FAM151A: variants seen among roughly 807,000 people sequenced by gnomAD.
FAM151A encodes the protein family with sequence similarity 151 member A, also known as protein FAM151A.
In FAM151A, 41 loss-of-function variants were observed where a neutral mutation model predicts 40.4. The ratio of observed to expected loss-of-function variants is 1.01; its 90% CI spans 0.79 to 1.32. The LOEUF (loss-of-function observed/expected upper bound fraction) is 1.32, where lower values mean the gene tolerates loss of function less well. FAM151A is among the 40% of genes most tolerant of loss of function. The pLI is 0.00. For missense variants in FAM151A, 740 were observed against 740.4 expected (o/e 1.00, Z 0.01); for synonymous variants, 337 against 312.5 (o/e 1.08, Z -0.83).
At chr1:54,614,891 T>TGGC in intron 3 of FAM151A, 32 bp from the exon 4 acceptor site, 1 of 1,606,346 alleles carries the variant, frequency 6.2e-7, no homozygotes, top group Non-Finnish European at 8.5e-7. Flanking sequence ...CTTGGGGAAA[T>TGGC]GGCGAAGGAA....
chr1:54,613,645 TTTC>T (rs1416459745), intron 4 of FAM151A, among the ~76,000 whole-genome samples: 2 of 152,192 alleles, frequency 1.3e-5, no homozygotes, highest in African/African-American at 4.8e-5. Flanking sequence ...TCTTTGTACT[TTTC>T]TTCTTCAAAA....
intron 1 of FAM151A, 62 bp from the exon 2 acceptor site, chr1:54,620,069 G>T: frequency 1.3e-6 from 2 of 1,566,552 alleles, no homozygotes; most frequent in Non-Finnish European, 1.7e-6. Context: ...ACTCATGTTC[G>T]TTCATCCCAT....
chr1:54,621,092 A>C (rs905969612), intron 1 of FAM151A, among the ~76,000 whole-genome samples: 21 of 151,358 alleles, frequency 1.4e-4, no homozygotes, highest in Non-Finnish European at 2.4e-4. Flanking sequence ...CCTGGGAGAC[A>C]GAGGTTGCAG....
At chr1:54,619,737 C>G in intron 2 of FAM151A, 127 bp downstream of exon 2, 1 of 973,828 alleles carries the variant, frequency 1.0e-6, no homozygotes, top group South Asian at 1.6e-5. Context: ...CCCCTATTTC[C>G]TCATGCTGAA....
intron 4 of FAM151A, among the ~76,000 whole-genome samples, chr1:54,613,907 G>A (rs1644144284): frequency 1.3e-5 from 2 of 152,144 alleles, no homozygotes; most frequent in Admixed American, 6.5e-5. Context: ...TTGAATCTTT[G>A]CTCTGCCACT....
intron 1 of FAM151A, among the ~76,000 whole-genome samples, chr1:54,622,066 G>A (rs887470574): frequency 5.9e-5 from 9 of 151,900 alleles, no homozygotes; most frequent in Non-Finnish European, 1.2e-4. Flanking sequence ...CTGAGGTCAG[G>A]AGTTCAAGAC....
chr1:54,609,825 G>A lies in FAM151A; in HGVS notation c.1201C>T (p.Gln401Ter), dbSNP rs1644094158. 1 of 1,614,070 alleles carries A rather than the reference G, an allele frequency of 6.2e-7. No individual in the cohort carries two copies. The highest frequency in any genetic ancestry group is 1.3e-5 in the African/African-American group (1 of 74,956). Reference sequence around the variant, plus strand: ...CAGTGTCCGGGATGTGTGGCCAGCTGCTGCAGGCAGGACTCCAGCGTCAGG... The same window carrying A: ...CAGTGTCCGGGATGTGTGGCCAGCTACTGCAGGCAGGACTCCAGCGTCAGG... ...NILTLESCLQ[Q>*]LATHPGHWGI... is the part of the protein sequence containing the mutation. The change falls in exon 8 of 8, where the codon CAG becomes TAG. Residue 401 changes from glutamine to a stop codon, truncating the protein, a stop_gained. Transcript: ENST00000302250. LOFTEE classifies it low-confidence loss of function (END_TRUNC).
chr1:54,621,975 T>TA (rs571379101), intron 1 of FAM151A, among the ~76,000 whole-genome samples: 95 of 152,084 alleles, frequency 6.2e-4, no homozygotes, highest in Admixed American at 4.2e-3. Context: ...AGTGAAGTAG[T>TA]AAAAAAAGTT....
chr1:54,620,075 C>A, intron 1 of FAM151A, 68 bp from the exon 2 acceptor site: 2 of 1,542,784 alleles, frequency 1.3e-6, no homozygotes, highest in Non-Finnish European at 1.8e-6. Flanking sequence ...GTTCGTTCAT[C>A]CCATGACCCT....
Position 54,611,688 on chromosome 1 carries a change from GAGC to G in FAM151A, c.855_857del (p.Leu286del). 6.2e-7 allele frequency: 1 copy of G among 1,614,140 alleles called. No homozygotes were observed. Among genetic ancestry groups the G allele is most frequent in the South Asian group, 1.1e-5 (1 of 91,082 alleles). ...GGACAGCAGTGTTATCCCGGACGTA[GAGC>G]AGATCTTCCACCGACATGGGGTCCG... On this transcript the variant is annotated inframe_deletion, in exon 6 of 8. Transcript: ENST00000302250.
At position 54,620,002 on chromosome 1, in the gene FAM151A, C is replaced by T. The variant is rs1214690309; in HGVS notation, c.124G>A (p.Glu42Lys). The T allele has an allele frequency of 6.2e-7, 1 of 1,610,994 alleles. No homozygotes were observed. Among genetic ancestry groups the T allele is most frequent in the Non-Finnish European group, 8.5e-7 (1 of 1,177,820 alleles). ...GCATCAGGGCTGCAGGCCTCCAGCT[C>T]ACAGCCTGGAAGGAATCCCAAGGGG... ...LAITLRRPGCELEACSPDADM... is the reference protein window; with the variant it reads ...LAITLRRPGCKLEACSPDADM... Residue 42 changes from glutamate to lysine, a missense_variant, in exon 2 of 8, where the codon GAG becomes AAG. By Grantham distance (56) the Glu-to-Lys change is moderately conservative. Coordinates refer to ENST00000302250, the MANE Select transcript of FAM151A (RefSeq NM_176782.3).
intron 4 of FAM151A, among the ~76,000 whole-genome samples, chr1:54,614,115 G>A (rs1644146333): frequency 6.6e-6 from 1 of 152,180 alleles, no homozygotes; most frequent in Admixed American, 6.6e-5. Context: ...CTGCAATATG[G>A]GGAGAAAGCC....
chr1:54,610,391 G>A, intron 7 of FAM151A, 21 bp downstream of exon 7: 1 of 1,610,430 alleles, frequency 6.2e-7, no homozygotes, highest in East Asian at 2.2e-5. Flanking sequence ...GGGAGCACCG[G>A]GGCTGAAGGG....
intron 1 of FAM151A, 151 bp from the exon 2 acceptor site, chr1:54,620,158 A>C: frequency 1.2e-6 from 1 of 828,266 alleles, no homozygotes; most frequent in South Asian, 1.9e-5. Flanking sequence ...TGGTGCTACA[A>C]TAGAGGGAAA....
In FAM151A at chr1:54,620,252, A is replaced by C. The variant is rs533602909; in HGVS notation, c.119-245T>G. ...GGGGCAGGTTCACAGAGAAGGGAAC[A>C]CTTAAGGAAGACCTTGAAGGATGGG... On this transcript the variant is annotated intron_variant, in intron 1 of 7. Transcript: ENST00000302250. Among the ~76,000 whole-genome samples the C allele has an allele frequency of 4.2e-4, 64 of 152,380 alleles. 1 individual carries two copies. The South Asian group carries it at 0.013, about 32-fold the overall frequency.
In FAM151A at chr1:54,609,350, C is replaced by A. The variant is rs1353131522; in HGVS notation, c.1676G>T (p.Arg559Met). ...ASVRTALLAA[R>M]AVDRTRVYYR... ...GTAGACTCGGGTCCTGTCCACAGCCCTAGCTGCCAGCAATGCTGTCCTCAC... is the reference window on the plus strand; with the variant it reads ...GTAGACTCGGGTCCTGTCCACAGCCATAGCTGCCAGCAATGCTGTCCTCAC... Residue 559 changes from arginine to methionine, a missense_variant, in exon 8 of 8, where the codon AGG becomes ATG. Arg to Met is a moderately conservative substitution (Grantham distance 91, BLOSUM62 -1). Transcript: ENST00000302250. 6.2e-7 allele frequency: 1 copy of A among 1,614,180 alleles called. No homozygotes were observed. The highest frequency in any genetic ancestry group is 8.5e-7 in the Non-Finnish European group (1 of 1,180,020).
In FAM151A at chr1:54,611,699, C is replaced by A; in HGVS notation, c.847G>T (p.Glu283Ter). The A allele has an allele frequency of 6.2e-7, 1 of 1,614,150 alleles. No homozygotes were observed. Among genetic ancestry groups the A allele is most frequent in the South Asian group, 1.1e-5 (1 of 91,082 alleles). Reference sequence around the variant, plus strand: ...TTATCCCGGACGTAGAGCAGATCTTCCACCGACATGGGGTCCGAGGCAGCC... The same window carrying A: ...TTATCCCGGACGTAGAGCAGATCTTACACCGACATGGGGTCCGAGGCAGCC... ...WQAASDPMSV[E>*]DLLYVRDNTA... The change falls in exon 6 of 8, where the codon GAA becomes TAA. Residue 283 changes from glutamate to a stop codon, truncating the protein, a stop_gained. Coordinates refer to ENST00000302250, the MANE Select transcript of FAM151A (RefSeq NM_176782.3). LOFTEE classifies it high-confidence loss of function.
In FAM151A at chr1:54,612,721, A is replaced by G. The variant is rs764459228; in HGVS notation, c.576-11T>C. ...ACCAGGGCCAGGAACCTGCAAAAAAATCAGAGATGTTGGTCTCACGGAGCT... is the reference window on the plus strand; with the variant it reads ...ACCAGGGCCAGGAACCTGCAAAAAAGTCAGAGATGTTGGTCTCACGGAGCT... On this transcript the variant is annotated splice_polypyrimidine_tract_variant and intron_variant, in intron 4 of 7. Coordinates refer to ENST00000302250, the MANE Select transcript of FAM151A (RefSeq NM_176782.3). The G allele has an allele frequency of 2.2e-5, 35 of 1,608,980 alleles. No homozygotes were observed. Among genetic ancestry groups the G allele is most frequent in the Middle Eastern group, 1.8e-4 (1 of 5,532 alleles).
chr1:54,614,051 G>A lies in FAM151A; in HGVS notation c.575+649C>T, dbSNP rs559265852. Among the ~76,000 whole-genome samples, 60 of 152,266 alleles carry A rather than the reference G, an allele frequency of 3.9e-4. 1 individual carries two copies. The South Asian group carries it at 0.012, about 30-fold the overall frequency. ...AGTCAAGTGCTTAAAACAGTTCTGG[G>A]ACACATAATAAACTTCGAACAAATT... On this transcript the variant is annotated intron_variant, in intron 4 of 7. Transcript: ENST00000302250.
Sources: allele counts gnomAD v4.1 joint callset (sites outside exome capture counted in the v4.1 genomes callset), GRCh38; gene constraint gnomAD v4.1.1; transcripts MANE v1.5; gene names NCBI Gene and HGNC (gene_info 2026-07-23, HGNC 2026-07-21).